Variants in PTPRN2 observed in about 807,000 individuals in gnomAD.
The protein encoded by PTPRN2 is protein tyrosine phosphatase receptor type N2.
PTPRN2 carries 74 observed loss-of-function variants against 118.8 expected under a neutral mutation model. The observed-to-expected ratio is 0.62, with a 90% CI of 0.52 to 0.76. The LOEUF (loss-of-function observed/expected upper bound fraction) is 0.76, where lower values mean the gene tolerates loss of function less well. PTPRN2 is among the 30% of genes least tolerant of loss of function. The pLI is 0.00. For synonymous variants in PTPRN2, 641 were observed against 608.0 expected (o/e 1.05, Z -0.80); for missense variants, 1,481 against 1,394.4 (o/e 1.06, Z -0.99).
At chr7:157,819,608 T>C (rs1585550702) in intron 12 of PTPRN2, among the ~76,000 whole-genome samples, 1 of 136,216 alleles carries the variant, frequency 7.3e-6, no homozygotes, top group South Asian at 2.4e-4. Context: ...GCCACAAGGG[T>C]ACACCAAGCG....
At chr7:158,068,514 C>T in intron 11 of PTPRN2, among the ~76,000 whole-genome samples, 1 of 152,376 alleles carries the variant, frequency 6.6e-6, no homozygotes, top group African/African-American at 2.4e-5. Context: ...GAAGCATGGG[C>T]CTGCATTGGT....
chr7:157,795,167 C>CG (rs11354541), intron 12 of PTPRN2, among the ~76,000 whole-genome samples: 1,146 of 90,826 alleles, frequency 0.013, 15 homozygotes, highest in Middle Eastern at 0.02. Flanking sequence ...GGGTCGGGGG[C>CG]GGGGGGGGCT....
chr7:158,439,825 G>A (rs150188530), intron 2 of PTPRN2, among the ~76,000 whole-genome samples: 143 of 152,324 alleles, frequency 9.4e-4, no homozygotes, highest in Middle Eastern at 3.4e-3. Flanking sequence ...ACCTCGTAGT[G>A]CCCACAAGGA....
Position 157,609,138 on chromosome 7 carries a change from T to A in PTPRN2, c.2345-5063A>T, listed in dbSNP as rs918883547. ...TGGCTCACACCTATAATCCCAGTACTTTGGGAGGCTGAGGTGGGTGGATCA... is the reference window on the plus strand; with the variant it reads ...TGGCTCACACCTATAATCCCAGTACATTGGGAGGCTGAGGTGGGTGGATCA... On this transcript the variant is annotated intron_variant, in intron 15 of 22. Transcript: ENST00000389418. This position sits in a 1 kb window ranked among gnomAD's most constrained non-coding sequence, Gnocchi z 4.9. Among the ~76,000 whole-genome samples the A allele has an allele frequency of 1.3e-5, 2 of 152,162 alleles. No individual in the cohort carries two copies. The highest frequency in any genetic ancestry group is 2.9e-5 in the Non-Finnish European group (2 of 68,034).
At chr7:158,410,676 T>G (rs1397875845) in intron 2 of PTPRN2, among the ~76,000 whole-genome samples, 1 of 152,224 alleles carries the variant, frequency 6.6e-6, no homozygotes, top group African/African-American at 2.4e-5. Context: ...CCTCGGAATG[T>G]AACTACGTGG....
At chr7:158,467,684 C>T (rs1819492532) in intron 2 of PTPRN2, among the ~76,000 whole-genome samples, 1 of 152,178 alleles carries the variant, frequency 6.6e-6, no homozygotes, top group Non-Finnish European at 1.5e-5. Flanking sequence ...TTCCCCGAAA[C>T]CATTTAAAGA....
At chr7:158,265,155 G>T (rs929863369) in intron 3 of PTPRN2, among the ~76,000 whole-genome samples, 11 of 152,058 alleles carry the variant, frequency 7.2e-5, no homozygotes, top group Non-Finnish European at 1.3e-4. Context: ...GTGGAGCAGT[G>T]ACTTGCTCAG....
At chr7:158,000,341 C>A (rs561738789) in intron 11 of PTPRN2, among the ~76,000 whole-genome samples, 2 of 148,652 alleles carry the variant, frequency 1.3e-5, no homozygotes, top group East Asian at 2.0e-4. Flanking sequence ...TGCCAAGGCC[C>A]GTAAGAGAAG....
chr7:157,692,644 A>C (rs1219067850), intron 12 of PTPRN2, among the ~76,000 whole-genome samples: 1 of 152,188 alleles, frequency 6.6e-6, no homozygotes, highest in African/African-American at 2.4e-5. Context: ...GTGGCCTCGC[A>C]TCGGGCCATG....
chr7:157,909,576 G>A (rs926290596), intron 11 of PTPRN2, among the ~76,000 whole-genome samples: 16 of 152,218 alleles, frequency 1.1e-4, no homozygotes, highest in African/African-American at 3.1e-4. Context: ...CCCCTTCAGC[G>A]CGGGACGCCC....
At chr7:158,121,059 C>T (rs1341500107) in intron 9 of PTPRN2, among the ~76,000 whole-genome samples, 1 of 152,168 alleles carries the variant, frequency 6.6e-6, no homozygotes, top group Non-Finnish European at 1.5e-5. Flanking sequence ...CGTGTGGCTG[C>T]AGGTTCCTTC....
At chr7:158,004,450 G>C (rs1347294391) in intron 11 of PTPRN2, among the ~76,000 whole-genome samples, 1 of 152,160 alleles carries the variant, frequency 6.6e-6, no homozygotes, top group African/African-American at 2.4e-5. Context: ...TTAAAGAACT[G>C]CATGCATTCC....
intron 12 of PTPRN2, among the ~76,000 whole-genome samples, chr7:157,722,646 G>A (rs1228781878): frequency 6.6e-6 from 1 of 152,184 alleles, no homozygotes; most frequent in African/African-American, 2.4e-5. Flanking sequence ...CCTCGGCAGG[G>A]CACTGCCTAT....
At chr7:157,642,814 CAAAAAAAAAAAA>C (rs11335302) in intron 14 of PTPRN2, among the ~76,000 whole-genome samples, 630 of 24,246 alleles carry the variant, frequency 0.026, 12 homozygotes, top group African/African-American at 0.062. Context: ...CAAGAAACAG[CAAAAAAAAAAAA>C]AAAAAAAAAA....
intron 11 of PTPRN2, among the ~76,000 whole-genome samples, chr7:157,991,517 C>T (rs973658004): frequency 4.6e-5 from 7 of 152,214 alleles, no homozygotes; most frequent in Admixed American, 4.6e-4. Flanking sequence ...GGGTGCTGCC[C>T]GTGCAGGGCA....
chr7:157,946,986 G>A (rs1800525960), intron 11 of PTPRN2, among the ~76,000 whole-genome samples: 1 of 152,180 alleles, frequency 6.6e-6, no homozygotes, highest in South Asian at 2.1e-4. Flanking sequence ...CTGAAGAGGT[G>A]AACTCCTGAG....
At chr7:158,482,971 C>G (rs976926323) in intron 2 of PTPRN2, among the ~76,000 whole-genome samples, 1 of 152,226 alleles carries the variant, frequency 6.6e-6, no homozygotes, top group Non-Finnish European at 1.5e-5. Context: ...TCCAGAGGGG[C>G]CTCCCTATGC....
intron 11 of PTPRN2, among the ~76,000 whole-genome samples, chr7:158,053,974 C>T (rs1291575680): frequency 1.5e-4 from 21 of 141,806 alleles, no homozygotes; most frequent in African/African-American, 2.8e-4. Context: ...ATGCAGAGAC[C>T]CTAGAGACGC....
intron 17 of PTPRN2, among the ~76,000 whole-genome samples, chr7:157,586,302 TC>T (rs1197299342): frequency 3.3e-5 from 5 of 152,028 alleles, no homozygotes; most frequent in Non-Finnish European, 7.4e-5. Context: ...TGAAGTCATT[TC>T]CCCCCGCTAA....
Sources: allele counts gnomAD v4.1 joint callset (sites outside exome capture counted in the v4.1 genomes callset), GRCh38; gene constraint gnomAD v4.1.1; non-coding constraint Gnocchi (gnomAD v3.1); transcripts MANE v1.5; gene names NCBI Gene and HGNC (gene_info 2026-07-23, HGNC 2026-07-21).